PIP5K1B: variants seen among roughly 807,000 people sequenced by gnomAD.
PIP5K1B encodes phosphatidylinositol-4-phosphate 5-kinase type 1 beta.
Under a neutral mutation model 67.0 loss-of-function variants are expected in PIP5K1B, and 42 were observed. That is an observed-to-expected ratio of 0.63 (90% CI 0.49 to 0.81). The LOEUF (loss-of-function observed/expected upper bound fraction) is 0.81, where lower values mean the gene tolerates loss of function less well. Among genes scored for constraint, PIP5K1B ranks in the 30% least tolerant of loss-of-function variants. The pLI, the probability that PIP5K1B is intolerant of heterozygous loss-of-function variation, is 0.00. For missense variants in PIP5K1B, 459 were observed against 646.3 expected (o/e 0.71, Z 3.14); for synonymous variants, 214 against 231.4 (o/e 0.92, Z 0.68).
At chr9:68,952,998 C>G (rs1256740951) in intron 14 of PIP5K1B, among the ~76,000 whole-genome samples, 1 of 152,056 alleles carries the variant, frequency 6.6e-6, no homozygotes, top group Non-Finnish European at 1.5e-5. Context: ...CTCAGGGGAC[C>G]TTTTCAACCT....
chr9:68,866,601 C>A (rs1823366770), intron 5 of PIP5K1B, among the ~76,000 whole-genome samples: 2 of 152,148 alleles, frequency 1.3e-5, no homozygotes, highest in Non-Finnish European at 2.9e-5. Flanking sequence ...TTTAAATTGT[C>A]CGATAGAGAA....
intron 14 of PIP5K1B, among the ~76,000 whole-genome samples, chr9:68,948,115 C>T (rs1827889777): frequency 6.6e-6 from 1 of 152,230 alleles, no homozygotes; most frequent in Non-Finnish European, 1.5e-5. Flanking sequence ...CACATTCTTT[C>T]ATTCTTAGTA....
chr9:68,876,146 T>C (rs1179066805), intron 5 of PIP5K1B, among the ~76,000 whole-genome samples: 1 of 152,214 alleles, frequency 6.6e-6, no homozygotes, highest in Non-Finnish European at 1.5e-5. Context: ...TTTTAAATTT[T>C]TTAAATATGT....
At chr9:68,780,434 A>G (rs1057472572) in intron 2 of PIP5K1B, 1 of 1,614,064 alleles carries the variant, frequency 6.2e-7, no homozygotes, top group African/African-American at 1.3e-5. Context: ...AGATCAAACA[A>G]GAAGAGGGCA....
In PIP5K1B at chr9:69,000,429, G is replaced by A. The variant is rs563694906; in HGVS notation, c.1621-8018G>A. ...ATTTTATTAGTTTTCTAGGGCTGCT[G>A]TAACAAAGTACCCCAGATTTGGTGT... On this transcript the variant is annotated intron_variant, in intron 15 of 15. Transcript: ENST00000265382. Among the ~76,000 whole-genome samples, 24 of 152,248 alleles carry A rather than the reference G, an allele frequency of 1.6e-4. No individual in the cohort carries two copies. In the South Asian group the frequency reaches 4.8e-3, roughly 30 times the overall value.
At chr9:68,832,729 G>A (rs1055621417) in intron 4 of PIP5K1B, among the ~76,000 whole-genome samples, 2 of 152,216 alleles carry the variant, frequency 1.3e-5, no homozygotes, top group Admixed American at 6.5e-5. Context: ...ATTACTAGGA[G>A]ACTTCTAAAC....
chr9:68,936,220 T>C (rs1026398813), intron 13 of PIP5K1B, among the ~76,000 whole-genome samples: 4 of 152,162 alleles, frequency 2.6e-5, no homozygotes, highest in Non-Finnish European at 5.9e-5. Context: ...TCTTGTACAA[T>C]GATAAATAGA....
At chr9:68,842,914 A>G (rs536261440) in intron 4 of PIP5K1B, among the ~76,000 whole-genome samples, 28 of 152,338 alleles carry the variant, frequency 1.8e-4, no homozygotes, top group Admixed American at 3.9e-4. Context: ...TGTGGAATAA[A>G]CATACCTGGT....
intron 14 of PIP5K1B, among the ~76,000 whole-genome samples, chr9:68,955,413 G>A (rs182678087): frequency 6.4e-4 from 98 of 152,348 alleles, no homozygotes; most frequent in African/African-American, 2.3e-3. Context: ...GTGAGAGAGA[G>A]CAGAGCTCCC....
At chr9:68,740,296 A>G (rs142385529) in intron 1 of PIP5K1B, among the ~76,000 whole-genome samples, 1 of 152,352 alleles carries the variant, frequency 6.6e-6, no homozygotes, top group East Asian at 1.9e-4. Flanking sequence ...CCTTTAGGAC[A>G]TGGACACTCT....
intron 14 of PIP5K1B, among the ~76,000 whole-genome samples, chr9:68,983,384 T>C (rs902391252): frequency 2.0e-5 from 3 of 152,166 alleles, no homozygotes; most frequent in Non-Finnish European, 2.9e-5. Context: ...TGAGATCCTA[T>C]GATGGCAGAG....
At chr9:68,772,026 A>G (rs771739501) in intron 2 of PIP5K1B, among the ~76,000 whole-genome samples, 2 of 152,202 alleles carry the variant, frequency 1.3e-5, no homozygotes. Flanking sequence ...AAGGGAAGAA[A>G]CTGCCCGCTT....
At position 68,847,883 on chromosome 9, in the gene PIP5K1B, G is replaced by A. The variant is rs555315081; in HGVS notation, c.70-15954G>A. ...GGCCCATGTAGCCAATAAACAAGCA[G>A]TTGGAGTAGCCACATATTTTAGCTG... On this transcript the variant is annotated intron_variant, in intron 4 of 15. Coordinates refer to ENST00000265382, the MANE Select transcript of PIP5K1B (RefSeq NM_003558.4). Among the ~76,000 whole-genome samples, 10 of 152,362 alleles carry A rather than the reference G, an allele frequency of 6.6e-5. No homozygotes were observed. The East Asian group carries it at 1.5e-3, about 23-fold the overall frequency.
chr9:68,722,925 T>C (rs1827959209), intron 1 of PIP5K1B, among the ~76,000 whole-genome samples: 2 of 152,188 alleles, frequency 1.3e-5, no homozygotes, highest in Admixed American at 1.3e-4. Context: ...TTTGTATCCT[T>C]AACCAATTTC....
At chr9:68,847,963 T>C (rs1038478543) in intron 4 of PIP5K1B, among the ~76,000 whole-genome samples, 1 of 152,202 alleles carries the variant, frequency 6.6e-6, no homozygotes, top group Non-Finnish European at 1.5e-5. Context: ...TGTAATTCTA[T>C]GTGGGGTTAT....
intron 5 of PIP5K1B, among the ~76,000 whole-genome samples, chr9:68,869,879 A>T (rs915340175): frequency 7.9e-5 from 12 of 152,324 alleles, no homozygotes; most frequent in Admixed American, 7.8e-4. Flanking sequence ...CTATACAAAC[A>T]TTCTGCACCA....
chr9:68,854,636 G>A (rs1263967784), intron 4 of PIP5K1B, among the ~76,000 whole-genome samples: 1 of 152,170 alleles, frequency 6.6e-6, no homozygotes, highest in African/African-American at 2.4e-5. Flanking sequence ...AAGCTAAAAA[G>A]ATGAGCAACT....
chr9:68,791,092 C>G (rs189770718), intron 2 of PIP5K1B, among the ~76,000 whole-genome samples: 1 of 152,288 alleles, frequency 6.6e-6, no homozygotes, highest in Non-Finnish European at 1.5e-5. Context: ...ACAGTGGTCC[C>G]CCAAACCAAA....
At chr9:68,926,498 T>G (rs553492389) in intron 12 of PIP5K1B, among the ~76,000 whole-genome samples, 6 of 152,178 alleles carry the variant, frequency 3.9e-5, no homozygotes, top group African/African-American at 9.7e-5. Flanking sequence ...TTCACCCTTT[T>G]AAAGTGTACA....
Sources: gnomAD v4.1 joint callset for allele counts (sites outside exome capture counted in the v4.1 genomes callset) on GRCh38, gnomAD v4.1.1 for gene constraint, MANE v1.5 for transcripts, NCBI Gene and HGNC (gene_info 2026-07-23, HGNC 2026-07-21) for gene names.